Variants in ZNG1B observed in about 807,000 individuals in gnomAD.
ZNG1B encodes the protein Zn regulated GTPase metalloprotein activator 1B.
At chr2:113,471,880 C>T in the ZNG1B span, among the ~76,000 whole-genome samples, 1 of 151,826 alleles carries the variant, frequency 6.6e-6, no homozygotes, top group Non-Finnish European at 1.5e-5. Context: ...TCCAGTCTAT[C>T]ATTGTTGGAC....
chr2:113,470,758 C>A, the ZNG1B span: 4 of 472,292 alleles, frequency 8.5e-6, no homozygotes, highest in Non-Finnish European at 1.5e-5. Context: ...AGTTTCTGTT[C>A]TTTAGCTGAT....
At chr2:113,478,559 G>A in the ZNG1B span, among the ~76,000 whole-genome samples, 5 of 151,990 alleles carry the variant, frequency 3.3e-5, no homozygotes, top group South Asian at 2.1e-4. Context: ...GGGATTACAT[G>A]TGTAGGCCAC....
At chr2:113,485,234 G>T in the ZNG1B span, among the ~76,000 whole-genome samples, 1 of 137,776 alleles carries the variant, frequency 7.3e-6, no homozygotes, top group Non-Finnish European at 1.5e-5. Flanking sequence ...GTTTAAAAAT[G>T]AGAAGGTGAG....
At chr2:113,448,595 A>G in the ZNG1B span, among the ~76,000 whole-genome samples, 9 of 150,568 alleles carry the variant, frequency 6.0e-5, no homozygotes, top group Non-Finnish European at 1.2e-4. Context: ...AAAGGAGGCC[A>G]TTTCATCTCC....
chr2:113,490,605 G>A, the ZNG1B span, among the ~76,000 whole-genome samples: 1 of 152,178 alleles, frequency 6.6e-6, no homozygotes, highest in African/African-American at 2.4e-5. Context: ...GCCAAGAAAA[G>A]AGAGAAAATC....
chr2:113,471,881 A>G, the ZNG1B span, among the ~76,000 whole-genome samples: 2 of 151,752 alleles, frequency 1.3e-5, no homozygotes, highest in African/African-American at 2.4e-5. Flanking sequence ...CCAGTCTATC[A>G]TTGTTGGACA....
the ZNG1B span, among the ~76,000 whole-genome samples, chr2:113,464,904 C>G: frequency 6.6e-6 from 1 of 152,036 alleles, no homozygotes; most frequent in Non-Finnish European, 1.5e-5. Flanking sequence ...TTTGCATATA[C>G]GTTTTATTGC....
the ZNG1B span, among the ~76,000 whole-genome samples, chr2:113,451,925 T>C: frequency 1.4e-4 from 21 of 152,130 alleles, no homozygotes; most frequent in African/African-American, 4.8e-4. Context: ...TCATGCTTTT[T>C]TAAATGACTT....
chr2:113,464,006 C>A, the ZNG1B span, among the ~76,000 whole-genome samples: 1 of 151,932 alleles, frequency 6.6e-6, no homozygotes, highest in Non-Finnish European at 1.5e-5. Context: ...AGAACACAAT[C>A]TATTTAGCAA....
At chr2:113,474,667 C>T in the ZNG1B span, among the ~76,000 whole-genome samples, 1 of 144,076 alleles carries the variant, frequency 6.9e-6, no homozygotes. Flanking sequence ...TGAATGCGTC[C>T]CAGAGATTCT....
At chr2:113,450,168 C>G in the ZNG1B span, among the ~76,000 whole-genome samples, 2 of 150,384 alleles carry the variant, frequency 1.3e-5, no homozygotes, top group Middle Eastern at 3.4e-3. Context: ...TCATTTTTCC[C>G]TAAATTATAA....
the ZNG1B span, among the ~76,000 whole-genome samples, chr2:113,446,682 G>A: frequency 1.3e-5 from 2 of 151,212 alleles, no homozygotes. Flanking sequence ...GGGAGGCGGA[G>A]GTTGCGGTGA....
At chr2:113,444,891 T>C in the ZNG1B span, 1 of 1,592,860 alleles carries the variant, frequency 6.3e-7, no homozygotes, top group Non-Finnish European at 8.6e-7. Flanking sequence ...TTGAATATAT[T>C]TTAAAGTGTT....
chr2:113,444,686 A>G, the ZNG1B span, among the ~76,000 whole-genome samples: 2 of 151,820 alleles, frequency 1.3e-5, no homozygotes, highest in Non-Finnish European at 2.9e-5. Context: ...TAAAGCTATA[A>G]AAAGATACTT....
the ZNG1B span, among the ~76,000 whole-genome samples, chr2:113,445,729 C>T: frequency 9.5e-5 from 14 of 147,218 alleles, no homozygotes; most frequent in Non-Finnish European, 2.1e-4. Context: ...TAGATAAAAT[C>T]TTTATTTTCA....
the ZNG1B span, among the ~76,000 whole-genome samples, chr2:113,493,301 T>C: frequency 7.5e-6 from 1 of 133,142 alleles, no homozygotes; most frequent in Non-Finnish European, 1.6e-5. Flanking sequence ...TTGACCCTTA[T>C]TTTCCCCAAT....
chr2:113,452,321 C>T, the ZNG1B span, among the ~76,000 whole-genome samples: 3 of 152,058 alleles, frequency 2.0e-5, no homozygotes, highest in Non-Finnish European at 4.4e-5. Context: ...CACATCTTGG[C>T]AGAGTAGGTG....
chr2:113,471,928 T>G, the ZNG1B span, among the ~76,000 whole-genome samples: 1 of 144,190 alleles, frequency 6.9e-6, no homozygotes, highest in African/African-American at 2.5e-5. Context: ...TTGTGAATAA[T>G]GCCGCAATAA....
At chr2:113,487,087 A>C in the ZNG1B span, among the ~76,000 whole-genome samples, 1 of 152,090 alleles carries the variant, frequency 6.6e-6, no homozygotes. Flanking sequence ...ATAGTCATGC[A>C]CCGCATAACA....
Sources: allele counts gnomAD v4.1 joint callset (sites outside exome capture counted in the v4.1 genomes callset), GRCh38; gene constraint gnomAD v4.1.1; transcripts MANE v1.5; gene names NCBI Gene and HGNC (gene_info 2026-07-23, HGNC 2026-07-21).